MARK3: variants seen among roughly 807,000 people sequenced by gnomAD.
The protein encoded by MARK3 is MAP/microtubule affinity-regulating kinase 3.
MARK3 carries 46 observed loss-of-function variants against 90.1 expected under a neutral mutation model. The observed-to-expected ratio is 0.51, with a 90% CI of 0.40 to 0.65. The LOEUF (loss-of-function observed/expected upper bound fraction) is 0.65, where lower values mean the gene tolerates loss of function less well. Ranked by LOEUF, MARK3 falls within the 30% of genes least tolerant of loss-of-function variation. MARK3 has a pLI of 0.00. For missense variants in MARK3, 818 were observed against 947.2 expected, an observed-to-expected ratio of 0.86 and a Z score of 1.79; for synonymous variants, 321 against 332.6, an observed-to-expected ratio of 0.97 and a Z score of 0.38.
chr14:103,477,626 A>G (rs2093737175), intron 13 of MARK3, among the ~76,000 whole-genome samples: 1 of 152,076 alleles, frequency 6.6e-6, no homozygotes, highest in Non-Finnish European at 1.5e-5. Flanking sequence ...GGCATTTGGT[A>G]CACTCACAGT....
At chr14:103,414,480 C>T (rs542847506) in intron 2 of MARK3, among the ~76,000 whole-genome samples, 1 of 148,288 alleles carries the variant, frequency 6.7e-6, no homozygotes, top group African/African-American at 2.4e-5. Flanking sequence ...GCTGGGATTA[C>T]AGGCATGAGC....
intron 12 of MARK3, among the ~76,000 whole-genome samples, chr14:103,468,615 C>G (rs898968027): frequency 6.6e-6 from 1 of 151,944 alleles, no homozygotes; most frequent in Non-Finnish European, 1.5e-5. Context: ...CATGAGCCAC[C>G]GTGCCTGGCC....
intron 14 of MARK3, 98 bp from the exon 15 acceptor site, chr14:103,491,679 T>A (rs1406114835): frequency 3.6e-6 from 5 of 1,381,430 alleles, no homozygotes; most frequent in African/African-American, 1.4e-5. Flanking sequence ...ATCTGGATTT[T>A]TTATACCCGA....
chr14:103,402,442 C>A (rs1360663534), intron 1 of MARK3, among the ~76,000 whole-genome samples: 1 of 151,958 alleles, frequency 6.6e-6, no homozygotes, highest in Non-Finnish European at 1.5e-5. Flanking sequence ...GTCCCAGCTA[C>A]TCATGAGGCT....
intron 5 of MARK3, among the ~76,000 whole-genome samples, chr14:103,452,471 C>CT (rs71126026): frequency 0.069 from 6,681 of 97,424 alleles, 1,016 homozygotes; most frequent in African/African-American, 0.19. Context: ...CAGGATTTGT[C>CT]TTTTTTTTTT....
intron 12 of MARK3, among the ~76,000 whole-genome samples, chr14:103,468,759 C>G (rs1283509042): frequency 6.7e-6 from 1 of 149,994 alleles, no homozygotes; most frequent in Non-Finnish European, 1.5e-5. Flanking sequence ...ATTTGCCCTT[C>G]TAGAACCTCT....
chr14:103,500,080 T>G, intron 16 of MARK3, 76 bp from the exon 17 acceptor site: 1 of 1,100,860 alleles, frequency 9.1e-7, no homozygotes, highest in African/African-American at 1.5e-5. Context: ...GTGTTGGTAT[T>G]GGTGGTCATG....
At chr14:103,451,194 A>G (rs908308440) in intron 4 of MARK3, among the ~76,000 whole-genome samples, 1 of 151,744 alleles carries the variant, frequency 6.6e-6, no homozygotes, top group Non-Finnish European at 1.5e-5. Flanking sequence ...CAGCCTCCCA[A>G]AGTGCTGGGA....
chr14:103,419,207 C>T (rs1382630241), intron 2 of MARK3, among the ~76,000 whole-genome samples: 6 of 152,060 alleles, frequency 3.9e-5, no homozygotes, highest in Admixed American at 3.9e-4. Context: ...GGGAGAATGG[C>T]GTGAACCCGG....
chr14:103,422,391 G>T (rs1483807811), intron 2 of MARK3, among the ~76,000 whole-genome samples: 1 of 152,168 alleles, frequency 6.6e-6, no homozygotes, highest in Non-Finnish European at 1.5e-5. Context: ...GGAGGTGGAG[G>T]TTGCAGTGAG....
chr14:103,440,027 C>T (rs1203702857), intron 3 of MARK3, among the ~76,000 whole-genome samples: 2 of 152,228 alleles, frequency 1.3e-5, no homozygotes, highest in African/African-American at 2.4e-5. Flanking sequence ...TCAAGTGATC[C>T]ACCCACCTCA....
Position 103,442,318 on chromosome 14 carries a change from G to A in MARK3, c.298-6601G>A, listed in dbSNP as rs549219431. ...CCGGGGGGCGGAGCTTGCAGTGAGC[G>A]GACATCGTGCCACTGCAGTTCAGCC... On this transcript the variant is annotated intron_variant, in intron 3 of 17. Transcript: ENST00000429436. Among the ~76,000 whole-genome samples, 151 of 151,830 alleles carry A rather than the reference G, an allele frequency of 9.9e-4. 1 individual carries two copies. Among genetic ancestry groups the A allele is most frequent in the Non-Finnish European group, 5.6e-4 (38 of 67,954 alleles).
chr14:103,487,970 C>G (rs1485173735), intron 14 of MARK3, among the ~76,000 whole-genome samples: 2 of 151,918 alleles, frequency 1.3e-5, no homozygotes, highest in African/African-American at 4.8e-5. Context: ...ATGGCGTGAA[C>G]CCAGGAGGCA....
chr14:103,451,914 G>T lies in MARK3; in HGVS notation c.347-4G>T, dbSNP rs370489844. ...TTTCTTCCGTGTCCTCTCCTCTCCC[G>T]CAGTGAAGTTATTCGAAGTCATTGA... On this transcript the variant is annotated splice_region_variant and splice_polypyrimidine_tract_variant and intron_variant, in intron 4 of 17. Coordinates refer to ENST00000429436, the MANE Select transcript of MARK3 (RefSeq NM_001128918.3). The T allele has an allele frequency of 2.1e-5, 33 of 1,606,856 alleles. No individual in the cohort carries two copies. The African/African-American group carries it at 2.7e-4, about 13-fold the overall frequency.
At position 103,498,506 on chromosome 14, in the gene MARK3, A is replaced by G; in HGVS notation, c.1849A>G (p.Met617Val). The G allele has an allele frequency of 7.4e-7, 1 of 1,357,648 alleles. No homozygotes were observed. The allele number at this position is 1,357,648 out of a possible 1,614,324, so 84.1% of individuals were successfully genotyped here. The change falls in exon 16 of 18, where the codon ATG becomes GTG. Residue 617 changes from methionine (M) to valine (V), a missense_variant. Coordinates refer to ENST00000429436, the MANE Select transcript of MARK3 (RefSeq NM_001128918.3). ...KLTSKLTRRN[M>V]SFRFIKRLPT... ...TTTTTACTTAATTTCTTTTAGAAAC[A>G]TGTCATTCAGGTTTATCAAAAGGTA...
chr14:103,437,452 TTTG>T (rs1018398196), intron 3 of MARK3, among the ~76,000 whole-genome samples: 3 of 152,084 alleles, frequency 2.0e-5, no homozygotes, highest in African/African-American at 7.2e-5. Flanking sequence ...AGATTGATTG[TTTG>T]TTTTTAGAAT....
intron 4 of MARK3, among the ~76,000 whole-genome samples, chr14:103,450,933 T>A: frequency 2.4e-5 from 3 of 126,312 alleles, no homozygotes; most frequent in African/African-American, 1.0e-4. Context: ...TTTTTTTTTT[T>A]TTTTTTTTTT....
At chr14:103,431,304 G>A (rs1270914483) in intron 3 of MARK3, among the ~76,000 whole-genome samples, 2 of 152,066 alleles carry the variant, frequency 1.3e-5, no homozygotes, top group Admixed American at 1.3e-4. Flanking sequence ...TGTTAGCCAG[G>A]CTGGTCTGGT....
At chr14:103,499,558 T>A (rs1293799211) in intron 16 of MARK3, 1 of 152,472 alleles carries the variant, frequency 6.6e-6, no homozygotes, top group South Asian at 2.1e-4. Flanking sequence ...AGGGCTACAT[T>A]GTACCTGTGC....
Sources: gnomAD v4.1 joint callset for allele counts (sites outside exome capture counted in the v4.1 genomes callset) on GRCh38, gnomAD v4.1.1 for gene constraint, MANE v1.5 for transcripts, NCBI Gene and HGNC (gene_info 2026-07-23, HGNC 2026-07-21) for gene names.